The following CBLB variants were observed in gnomAD, a reference collection of about 807,000 sequenced individuals.
The protein encoded by CBLB is E3 ubiquitin-protein ligase CBL-B.
CBLB carries 31 observed loss-of-function variants against 104.9 expected under a neutral mutation model. That is an observed-to-expected ratio of 0.30 (90% CI 0.22 to 0.40). The LOEUF is 0.40. Among genes scored for constraint, CBLB ranks in the 10% least tolerant of loss-of-function variants. The pLI, the probability that CBLB is intolerant of heterozygous loss-of-function variation, is 1.00. For synonymous variants in CBLB, 440 were observed against 422.6 expected (o/e 1.04, Z -0.51); for missense variants, 1,062 against 1,214.6 (o/e 0.87, Z 1.87).
chr3:105,781,372 C>T (rs140368748), intron 3 of CBLB, among the ~76,000 whole-genome samples: 32 of 152,180 alleles, frequency 2.1e-4, no homozygotes, highest in African/African-American at 6.0e-4. Context: ...AAGGTTGCTA[C>T]GGTCAACATC....
chr3:105,769,178 C>T (rs552344310), intron 4 of CBLB, among the ~76,000 whole-genome samples: 2 of 151,926 alleles, frequency 1.3e-5, no homozygotes, highest in Non-Finnish European at 2.9e-5. Context: ...CATTGCCGGG[C>T]GTGGTGGTGC....
At chr3:105,778,622 G>T (rs1032874838) in intron 3 of CBLB, among the ~76,000 whole-genome samples, 1 of 151,946 alleles carries the variant, frequency 6.6e-6, no homozygotes, top group African/African-American at 2.4e-5. Context: ...TGAAAGGGGG[G>T]AGGGCATAAC....
At position 105,702,468 on chromosome 3, in the gene CBLB, ACAGAAGAG is replaced by A; in HGVS notation, c.1594-17_1594-10del. ...ACCATGCAAGGAGAAGACTAAAGAA[ACAGAAGAG>A]AAAAAAAAAAAAAAAAAAAAAAACT... On this transcript the variant is annotated splice_polypyrimidine_tract_variant and intron_variant, in intron 11 of 18. Transcript: ENST00000394030. 2.3e-6 allele frequency: 3 copies of A among 1,288,956 alleles called. No individual in the cohort carries two copies. Among genetic ancestry groups the A allele is most frequent in the Admixed American group, 4.6e-5 (2 of 43,070 alleles). 79.8% of individuals were successfully genotyped at this position (1,288,956 alleles called of 1,614,324 possible).
chr3:105,785,455 T>C (rs1193025019), intron 3 of CBLB, among the ~76,000 whole-genome samples: 3 of 152,184 alleles, frequency 2.0e-5, no homozygotes, highest in African/African-American at 7.2e-5. Flanking sequence ...TAAAACAGAA[T>C]ACCAACAAGA....
intron 3 of CBLB, among the ~76,000 whole-genome samples, chr3:105,828,023 C>T (rs879891267): frequency 3.9e-5 from 6 of 152,174 alleles, no homozygotes; most frequent in Admixed American, 2.6e-4. Flanking sequence ...ATTTCCTTCT[C>T]GCCTAAGCAA....
intron 9 of CBLB, among the ~76,000 whole-genome samples, chr3:105,726,836 A>G (rs913585286): frequency 1.3e-5 from 2 of 152,104 alleles, no homozygotes; most frequent in African/African-American, 4.8e-5. Context: ...GTTTGCTGAG[A>G]ATGATGGCTT....
intron 10 of CBLB, among the ~76,000 whole-genome samples, chr3:105,716,025 C>T (rs1045791131): frequency 4.6e-5 from 7 of 151,974 alleles, no homozygotes; most frequent in Admixed American, 3.9e-4. Flanking sequence ...GGCAACAAAG[C>T]GAGACTCCAG....
intron 3 of CBLB, among the ~76,000 whole-genome samples, chr3:105,795,026 G>A (rs1466982001): frequency 6.6e-6 from 1 of 151,168 alleles, no homozygotes; most frequent in Non-Finnish European, 1.5e-5. Flanking sequence ...AGATTCCCCT[G>A]CCTCAGCCTC....
At chr3:105,761,485 G>A (rs967585907) in intron 4 of CBLB, among the ~76,000 whole-genome samples, 10 of 152,128 alleles carry the variant, frequency 6.6e-5, no homozygotes, top group African/African-American at 2.2e-4. Flanking sequence ...CTATTCTTGT[G>A]GTAGTAAATA....
chr3:105,665,289 A>C (rs2064248749), intron 18 of CBLB, among the ~76,000 whole-genome samples: 5 of 151,596 alleles, frequency 3.3e-5, no homozygotes, highest in Admixed American at 2.0e-4. Context: ...AGGCTGAAAC[A>C]GGAGAATTGC....
chr3:105,678,512 G>C lies in CBLB; in HGVS notation c.2488C>G (p.His830Asp). ...GGTTTTGAATGTTCAATGAGACTAT[G>C]CCTTGCAGGAGGTGGGGGAGGTGGG... ...SLPPPPPPAR[H>D]SLIEHSKPPG... is the part of the protein sequence containing the mutation. Residue 830 changes from histidine (H) to aspartate (D), a missense_variant, in exon 17 of 19, where the codon CAT becomes GAT. Physicochemically the swap from His to Asp is moderately conservative, Grantham distance 81 (BLOSUM62 -1). Coordinates refer to ENST00000394030, the MANE Select transcript of CBLB (RefSeq NM_170662.5). 1.9e-6 allele frequency: 3 copies of C among 1,613,908 alleles called. No individual in the cohort carries two copies. The highest frequency in any genetic ancestry group is 2.5e-6 in the Non-Finnish European group (3 of 1,179,766).
chr3:105,681,599 C>A lies in CBLB; in HGVS notation c.2308G>T (p.Asp770Tyr). 6.2e-7 allele frequency: 1 copy of A among 1,614,100 alleles called. No individual in the cohort carries two copies. Among genetic ancestry groups the A allele is most frequent in the Non-Finnish European group, 8.5e-7 (1 of 1,179,996 alleles). Residue 770 changes from aspartate to tyrosine, a missense_variant, in exon 16 of 19, where the codon GAT (aspartate) becomes TAT (tyrosine). Asp to Tyr is a radical substitution (Grantham distance 160). Around this residue, in one of 2 missense-constraint regions of CBLB, gnomAD observed 605 missense variants for 582.6 expected, o/e 1.04. Coordinates refer to ENST00000394030, the MANE Select transcript of CBLB (RefSeq NM_170662.5). The stretch of plus-strand genomic sequence containing the variant: ...AATGGCACGGGATCAGAGGCTGAAT[C>A]AAAAACATCTCCTAGAGGATAACAC... ...LSIYLKGDVFDSASDPVPLPP... is the reference protein window; with the variant it reads ...LSIYLKGDVFYSASDPVPLPP...
chr3:105,747,828 G>A (rs2076253836), intron 5 of CBLB, among the ~76,000 whole-genome samples: 1 of 151,786 alleles, frequency 6.6e-6, no homozygotes, highest in Admixed American at 6.6e-5. Flanking sequence ...GAAAAAAAAT[G>A]CTAAACTTTA....
intron 9 of CBLB, among the ~76,000 whole-genome samples, chr3:105,723,393 C>CAGT (rs1389648074): frequency 6.6e-6 from 1 of 152,082 alleles, no homozygotes; most frequent in Non-Finnish European, 1.5e-5. Context: ...CTAAATGACT[C>CAGT]AGTAGGTTTC....
At chr3:105,859,737 C>G (rs1405521050) in intron 2 of CBLB, among the ~76,000 whole-genome samples, 3 of 151,254 alleles carry the variant, frequency 2.0e-5, no homozygotes, top group Non-Finnish European at 4.4e-5. Context: ...TTACAGTGAC[C>G]TAAAGTATAT....
At chr3:105,811,155 A>G (rs1241252331) in intron 3 of CBLB, among the ~76,000 whole-genome samples, 1 of 152,198 alleles carries the variant, frequency 6.6e-6, no homozygotes, top group Non-Finnish European at 1.5e-5. Flanking sequence ...CCTGCTGGGC[A>G]AAAACAAAAG....
At chr3:105,777,057 A>G (rs1472954283) in intron 3 of CBLB, among the ~76,000 whole-genome samples, 1 of 152,216 alleles carries the variant, frequency 6.6e-6, no homozygotes, top group Non-Finnish European at 1.5e-5. Flanking sequence ...CAAAAGTACT[A>G]ATACAAAAGT....
chr3:105,739,056 C>T (rs1163081984), intron 7 of CBLB, among the ~76,000 whole-genome samples: 3 of 152,212 alleles, frequency 2.0e-5, no homozygotes, highest in South Asian at 2.1e-4. Flanking sequence ...TACCGTCACG[C>T]GCCACCATGC....
rs1706654191 is a variant in CBLB, at chr3:105,868,874, G to A, written c.-153C>T. 9.8e-7 allele frequency: 1 copy of A among 1,016,276 alleles called. No homozygotes were observed. 63.0% of individuals were successfully genotyped at this position (1,016,276 alleles called of 1,614,324 possible). A position where few individuals can be genotyped will look rare whatever the true frequency, so the allele number is the denominator to read the frequency against. On this transcript the variant is annotated 5_prime_UTR_variant, in exon 1 of 19. Coordinates refer to ENST00000394030, the MANE Select transcript of CBLB (RefSeq NM_170662.5). ...TCGCTCCCGAAGAAGGAGCAACCCAGCGCGCAGGCCTCCGAGACGTGGAAA... is the reference window on the plus strand; with the variant it reads ...TCGCTCCCGAAGAAGGAGCAACCCAACGCGCAGGCCTCCGAGACGTGGAAA...
Sources: gnomAD v4.1 joint callset for allele counts (sites outside exome capture counted in the v4.1 genomes callset) on GRCh38, gnomAD v4.1.1 for gene constraint, gnomAD v4.1.1 regional missense constraint, MANE v1.5 for transcripts, NCBI Gene and HGNC (gene_info 2026-07-23, HGNC 2026-07-21) for gene names.